The following GRIK2 variants were observed in gnomAD, a reference collection of about 807,000 sequenced individuals.
The protein encoded by GRIK2 is glutamate ionotropic receptor kainate type subunit 2.
A neutral mutation model predicts 100.3 loss-of-function variants in GRIK2; 32 were observed. The ratio of observed to expected loss-of-function variants is 0.32; its 90% CI spans 0.24 to 0.43. The LOEUF is 0.43. Among genes scored for constraint, GRIK2 ranks in the 20% least tolerant of loss-of-function variants. The pLI, the probability that GRIK2 is intolerant of heterozygous loss-of-function variation, is 1.00. For synonymous variants in GRIK2, 417 were observed against 389.4 expected (o/e 1.07, Z -0.83); for missense variants, 843 against 1,114.9 (o/e 0.76, Z 3.47).
chr6:101,804,754 G>A (rs990836135), intron 9 of GRIK2, among the ~76,000 whole-genome samples: 4 of 151,924 alleles, frequency 2.6e-5, no homozygotes, highest in East Asian at 3.9e-4. Flanking sequence ...GAGAAAGGGA[G>A]CAAAAAGTTC....
intron 7 of GRIK2, among the ~76,000 whole-genome samples, chr6:101,736,855 T>G (rs961211700): frequency 5.3e-5 from 8 of 152,232 alleles, no homozygotes; most frequent in African/African-American, 1.7e-4. Context: ...ATTGTCAGAC[T>G]GGCTGCAAAT....
At chr6:101,554,740 A>G (rs1776660364) in intron 2 of GRIK2, among the ~76,000 whole-genome samples, 1 of 152,198 alleles carries the variant, frequency 6.6e-6, no homozygotes, top group Non-Finnish European at 1.5e-5. Flanking sequence ...TTTAGTACCT[A>G]TAGTACCACC....
At position 101,787,110 on chromosome 6, in the gene GRIK2, T is replaced by A. The variant is rs565156510; in HGVS notation, c.952-12538T>A. On this transcript the variant is annotated intron_variant, in intron 7 of 16. Transcript: ENST00000369134. ...AATTTTTGAGTTTGTTAGTACATAG[T>A]TTTTCATAACAGTCTTTTAGGATTT... Among the ~76,000 whole-genome samples, 5 of 151,750 alleles carry A rather than the reference T, an allele frequency of 3.3e-5. No individual in the cohort carries two copies. In the South Asian group the frequency reaches 6.2e-4, roughly 19 times the overall value.
At chr6:101,651,153 T>A (rs1781773855) in intron 4 of GRIK2, among the ~76,000 whole-genome samples, 1 of 152,124 alleles carries the variant, frequency 6.6e-6, no homozygotes, top group African/African-American at 2.4e-5. Context: ...GAATGAATAA[T>A]TCAAATTGAG....
intron 2 of GRIK2, among the ~76,000 whole-genome samples, chr6:101,585,988 T>G (rs902381398): frequency 2.0e-5 from 3 of 151,930 alleles, no homozygotes; most frequent in Admixed American, 6.6e-5. Flanking sequence ...AAATATAAAA[T>G]TAGAGGAAAG....
chr6:101,400,993 C>T (rs148445937), intron 2 of GRIK2, among the ~76,000 whole-genome samples: 14 of 152,254 alleles, frequency 9.2e-5, no homozygotes, highest in African/African-American at 3.1e-4. Context: ...TGTACGCACA[C>T]GCGTGTGTGT....
intron 7 of GRIK2, among the ~76,000 whole-genome samples, chr6:101,729,691 AAG>A (rs150655159): frequency 4.6e-4 from 68 of 149,406 alleles, no homozygotes; most frequent in South Asian, 1.0e-3. Flanking sequence ...GTGGTGTGGG[AAG>A]AGAGAGAGAG....
At chr6:101,726,497 CA>C (rs1364030694) in intron 7 of GRIK2, among the ~76,000 whole-genome samples, 1 of 151,918 alleles carries the variant, frequency 6.6e-6, no homozygotes, top group Non-Finnish European at 1.5e-5. Context: ...ATTGGGACAG[CA>C]ATGAGCATAA....
At chr6:101,436,329 AT>A (rs1769709898) in intron 2 of GRIK2, among the ~76,000 whole-genome samples, 1 of 151,998 alleles carries the variant, frequency 6.6e-6, no homozygotes, top group East Asian at 1.9e-4. Flanking sequence ...GTGATTCAGG[AT>A]AGTGCACAAA....
intron 14 of GRIK2, among the ~76,000 whole-genome samples, chr6:101,971,543 T>C (rs1020383228): frequency 3.3e-5 from 5 of 152,030 alleles, no homozygotes; most frequent in Admixed American, 6.6e-5. Flanking sequence ...AAAATTCTTA[T>C]TTTTTTCTTT....
At chr6:101,632,258 G>A (rs1780784102) in intron 4 of GRIK2, among the ~76,000 whole-genome samples, 1 of 151,990 alleles carries the variant, frequency 6.6e-6, no homozygotes, top group Non-Finnish European at 1.5e-5. Flanking sequence ...ACCCCCATGA[G>A]AACTCTTATC....
chr6:101,741,284 T>C (rs1181567713), intron 7 of GRIK2, among the ~76,000 whole-genome samples: 1 of 152,200 alleles, frequency 6.6e-6, no homozygotes, highest in East Asian at 1.9e-4. Flanking sequence ...TCCACTCAAA[T>C]AGACCAACTA....
At chr6:101,723,451 C>T (rs1160553899) in intron 7 of GRIK2, among the ~76,000 whole-genome samples, 1 of 151,848 alleles carries the variant, frequency 6.6e-6, no homozygotes, top group Non-Finnish European at 1.5e-5. Flanking sequence ...TTGCAAAATA[C>T]CTTGCAACAT....
chr6:101,445,013 C>T (rs1770293769), intron 2 of GRIK2, among the ~76,000 whole-genome samples: 1 of 151,930 alleles, frequency 6.6e-6, no homozygotes, highest in Admixed American at 6.6e-5. Flanking sequence ...TTCTTATATA[C>T]CCAGTATGTA....
intron 7 of GRIK2, among the ~76,000 whole-genome samples, chr6:101,725,966 T>G (rs1308572591): frequency 1.3e-5 from 2 of 151,958 alleles, no homozygotes; most frequent in African/African-American, 4.8e-5. Context: ...GAGATTAGTT[T>G]ATAACAATTT....
At chr6:101,478,792 G>A (rs1003655978) in intron 2 of GRIK2, among the ~76,000 whole-genome samples, 1 of 152,056 alleles carries the variant, frequency 6.6e-6, no homozygotes, top group Non-Finnish European at 1.5e-5. Flanking sequence ...CCAAAGTGCA[G>A]TAGTGTTAAA....
In GRIK2 at chr6:101,546,871, C is replaced by T. The variant is rs1230255013; in HGVS notation, c.116-75078C>T. Among the ~76,000 whole-genome samples, 35 of 128,652 alleles carry T rather than the reference C, an allele frequency of 2.7e-4. No homozygotes were observed. The East Asian group carries it at 7.4e-3, about 27-fold the overall frequency. 84.4% of individuals were successfully genotyped at this position (128,652 alleles called of 152,430 possible). A position where few individuals can be genotyped will look rare whatever the true frequency, so the allele number is the denominator to read the frequency against. ...TTGGAGACGGAGTCTCGCTCTGTCG[C>T]CCAGGCTGGAGTGCAGTGGCGGGAT... On this transcript the variant is annotated intron_variant, in intron 2 of 16. Coordinates refer to ENST00000369134, the MANE Select transcript of GRIK2 (RefSeq NM_021956.5).
At chr6:101,975,809 GTCTATCTATCTATCTA>G (rs71028093) in intron 14 of GRIK2, among the ~76,000 whole-genome samples, 1 of 147,408 alleles carries the variant, frequency 6.8e-6, no homozygotes, top group African/African-American at 2.5e-5. Context: ...CTATCTATCT[GTCTATCTATCTATCTA>G]TCTATCTATC....
chr6:101,957,276 T>C (rs1165742448), intron 14 of GRIK2, among the ~76,000 whole-genome samples: 1 of 145,970 alleles, frequency 6.9e-6, no homozygotes, highest in Non-Finnish European at 1.5e-5. Flanking sequence ...CATGTTTTTT[T>C]GGCTGCTTGT....
Sources: allele counts gnomAD v4.1 joint callset (sites outside exome capture counted in the v4.1 genomes callset), GRCh38; gene constraint gnomAD v4.1.1; transcripts MANE v1.5; gene names NCBI Gene and HGNC (gene_info 2026-07-23, HGNC 2026-07-21).